Variants in EPS15 observed in about 807,000 individuals in gnomAD.
EPS15 encodes epidermal growth factor receptor pathway substrate 15, also known as epidermal growth factor receptor substrate 15.
In EPS15, 72 loss-of-function variants were observed where a neutral mutation model predicts 113.8. The ratio of observed to expected loss-of-function variants is 0.63; its 90% CI spans 0.52 to 0.77. The LOEUF (loss-of-function observed/expected upper bound fraction) is 0.77, where lower values mean the gene tolerates loss of function less well. Among genes scored for constraint, EPS15 ranks in the 30% least tolerant of loss-of-function variants. EPS15 has a pLI of 0.00. For missense variants in EPS15, 1,048 were observed against 1,045.8 expected (o/e 1.00, Z -0.03); for synonymous variants, 344 against 363.4 (o/e 0.95, Z 0.61).
Position 51,463,812 on chromosome 1 carries a change from C to T in EPS15, c.376-14G>A. 1 of 1,524,952 alleles carries T rather than the reference C, an allele frequency of 6.6e-7. No homozygotes were observed. Among genetic ancestry groups the T allele is most frequent in the African/African-American group, 1.5e-5 (1 of 65,118 alleles). The allele number at this position is 1,524,952 out of a possible 1,614,324, so 94.5% of individuals were successfully genotyped here. A position where few individuals can be genotyped will look rare whatever the true frequency, so the allele number is the denominator to read the frequency against. On this transcript the variant is annotated splice_polypyrimidine_tract_variant and intron_variant, in intron 6 of 24. Coordinates refer to ENST00000371733, the MANE Select transcript of EPS15 (RefSeq NM_001981.3). ...CTTATCTTCAGGCTACAATAAAAAA[C>T]AAAATCACAAGTTAAATAATAAGAG...
intron 21 of EPS15, among the ~76,000 whole-genome samples, chr1:51,390,973 C>T (rs1281285374): frequency 6.6e-6 from 1 of 152,102 alleles, no homozygotes; most frequent in Non-Finnish European, 1.5e-5. Context: ...GGTATATACC[C>T]AAAGGACTAT....
At chr1:51,440,317 G>GTA in intron 12 of EPS15, 30 bp downstream of exon 12, 1 of 846,800 alleles carries the variant, frequency 1.2e-6, no homozygotes. Flanking sequence ...GTGTGTGTAT[G>GTA]TGAGTAGGCT....
chr1:51,370,428 A>T (rs1417782559), intron 21 of EPS15, among the ~76,000 whole-genome samples: 1 of 152,154 alleles, frequency 6.6e-6, no homozygotes, highest in Admixed American at 6.5e-5. Flanking sequence ...TGAAACCAAA[A>T]ATGCTCCAAT....
chr1:51,424,030 A>C (rs1022669434), intron 12 of EPS15, among the ~76,000 whole-genome samples: 5 of 152,218 alleles, frequency 3.3e-5, no homozygotes, highest in African/African-American at 1.2e-4. Context: ...TTAGGCATTA[A>C]TTCCTCTTAG....
At chr1:51,358,374 T>C (rs1215226658) in intron 24 of EPS15, among the ~76,000 whole-genome samples, 1 of 152,226 alleles carries the variant, frequency 6.6e-6, no homozygotes, top group Non-Finnish European at 1.5e-5. Flanking sequence ...TTAACACTCA[T>C]AATTATTATG....
intron 4 of EPS15, among the ~76,000 whole-genome samples, chr1:51,468,901 G>A (rs1655042669): frequency 6.6e-6 from 1 of 152,158 alleles, no homozygotes; most frequent in Non-Finnish European, 1.5e-5. Flanking sequence ...GCCGAGACGG[G>A]CAGATCACTT....
At chr1:51,426,817 G>GTCTCTCTCTCTCTC (rs35528783) in intron 12 of EPS15, among the ~76,000 whole-genome samples, 289 of 145,726 alleles carry the variant, frequency 2.0e-3, no homozygotes, top group Non-Finnish European at 3.0e-3. Context: ...AAATAAATCT[G>GTCTCTCTCTCTCTC]TCTCTCTCTC....
chr1:51,501,464 T>G (rs1367561022), intron 1 of EPS15, among the ~76,000 whole-genome samples: 3 of 151,944 alleles, frequency 2.0e-5, no homozygotes, highest in South Asian at 2.1e-4. Flanking sequence ...ATTAGTTTTT[T>G]GGGGGGTTTT....
chr1:51,413,321 T>C lies in EPS15; in HGVS notation c.1114-3625A>G, dbSNP rs982475892. 1.1e-4 allele frequency among the ~76,000 whole-genome samples: 16 copies of C among 152,228 alleles called. 1 individual carries two copies. The highest frequency in any genetic ancestry group is 2.4e-4 in the Non-Finnish European group (16 of 68,030). On this transcript the variant is annotated intron_variant, in intron 13 of 24. Coordinates refer to ENST00000371733, the MANE Select transcript of EPS15 (RefSeq NM_001981.3). ...ACCTCTACTGTCATACTTAATACAC[T>C]GTAATCATAGCTAACCTCTAAATTA...
chr1:51,490,849 T>C (rs1311819198), intron 1 of EPS15, among the ~76,000 whole-genome samples: 3 of 152,162 alleles, frequency 2.0e-5, no homozygotes, highest in African/African-American at 7.2e-5. Flanking sequence ...CTAATGAGTA[T>C]CTATAAAACC....
At chr1:51,497,990 A>T (rs888876842) in intron 1 of EPS15, among the ~76,000 whole-genome samples, 3 of 152,056 alleles carry the variant, frequency 2.0e-5, no homozygotes, top group African/African-American at 4.8e-5. Flanking sequence ...AAAAAAAAAA[A>T]ACTAGTGTGT....
intron 21 of EPS15, among the ~76,000 whole-genome samples, chr1:51,376,802 G>T (rs947482550): frequency 6.6e-5 from 10 of 152,166 alleles, no homozygotes; most frequent in Admixed American, 2.6e-4. Flanking sequence ...TTGCAGCCAG[G>T]CAGTAATTCT....
chr1:51,447,453 T>G lies in EPS15; in HGVS notation c.652-348A>C, dbSNP rs1473646353. On this transcript the variant is annotated intron_variant, in intron 9 of 24. Transcript: ENST00000371733. ...ATACTCAGATAATTCTCAATCTTTATTTTTTATAGTTTGACCCAGCAGTGT... is the reference window on the plus strand; with the variant it reads ...ATACTCAGATAATTCTCAATCTTTAGTTTTTATAGTTTGACCCAGCAGTGT... 3.9e-5 allele frequency among the ~76,000 whole-genome samples: 6 copies of G among 152,344 alleles called. No individual in the cohort carries two copies. In the East Asian group the frequency reaches 9.6e-4, roughly 24 times the overall value.
intron 21 of EPS15, among the ~76,000 whole-genome samples, chr1:51,383,360 T>A (rs1646984217): frequency 6.6e-6 from 1 of 152,214 alleles, no homozygotes. Context: ...ACCACTTCTA[T>A]TCAATATAGC....
intron 1 of EPS15, among the ~76,000 whole-genome samples, chr1:51,499,071 T>C (rs1395193901): frequency 6.6e-6 from 1 of 152,216 alleles, no homozygotes; most frequent in Non-Finnish European, 1.5e-5. Flanking sequence ...AAGCATTATC[T>C]TGGAAGGACA....
At chr1:51,512,700 T>A (rs564987453) in intron 1 of EPS15, among the ~76,000 whole-genome samples, 10 of 152,092 alleles carry the variant, frequency 6.6e-5, no homozygotes, top group African/African-American at 2.4e-4. Flanking sequence ...CATAAAGAAA[T>A]AACAAACTAA....
intron 4 of EPS15, among the ~76,000 whole-genome samples, chr1:51,469,135 C>T (rs1655066148): frequency 6.6e-6 from 1 of 150,960 alleles, no homozygotes; most frequent in Non-Finnish European, 1.5e-5. Context: ...CTCAAAAAAA[C>T]AGACAAACCA....
rs760176727 is a variant in EPS15, at chr1:51,363,899, C to T, written c.2326G>A (p.Gly776Arg). 43 of 1,612,870 alleles carry T rather than the reference C, an allele frequency of 2.7e-5. No homozygotes were observed. The highest frequency in any genetic ancestry group is 3.3e-5 in the Non-Finnish European group (39 of 1,179,390). ...AGAGGGCAGGGTCTTGTTGGAGTTC[C>T]GATCTTTGGTGGCAGTGCTGGGGGT... is the stretch of plus-strand genomic sequence containing the variant. ...DEPPALPPKI[G>R]TPTRPCPLPP... Residue 776 changes from glycine (G) to arginine (R), a missense_variant, in exon 23 of 25, where the codon GGA (glycine) becomes AGA (arginine). Transcript: ENST00000371733.
chr1:51,434,418 T>C (rs1158493856), intron 12 of EPS15, among the ~76,000 whole-genome samples: 1 of 152,168 alleles, frequency 6.6e-6, no homozygotes, highest in African/African-American at 2.4e-5. Flanking sequence ...CCTGAGGATA[T>C]TATGCTGAGT....
Sources: allele counts gnomAD v4.1 joint callset (sites outside exome capture counted in the v4.1 genomes callset), GRCh38; gene constraint gnomAD v4.1.1; transcripts MANE v1.5; gene names NCBI Gene and HGNC (gene_info 2026-07-23, HGNC 2026-07-21).